The following HSPG2 variants were observed in gnomAD, a reference collection of about 807,000 sequenced individuals.
The protein encoded by HSPG2 is basement membrane-specific heparan sulfate proteoglycan core protein.
In HSPG2, 278 loss-of-function variants were observed where a neutral mutation model predicts 526.6. The ratio of observed to expected loss-of-function variants is 0.53; its 90% CI spans 0.48 to 0.58. The LOEUF (loss-of-function observed/expected upper bound fraction) is 0.58, where lower values mean the gene tolerates loss of function less well. HSPG2 is among the 20% of genes least tolerant of loss of function. HSPG2 has a pLI of 0.00. For synonymous variants in HSPG2, 2,465 were observed against 2,555.4 expected (o/e 0.96, Z 1.07); for missense variants, 5,354 against 6,099.5 (o/e 0.88, Z 4.07).
At chr1:21,861,947 C>T (rs1639823515) in intron 38 of HSPG2, 41 bp downstream of exon 38, 1 of 1,613,946 alleles carries the variant, frequency 6.2e-7, no homozygotes, top group Non-Finnish European at 8.5e-7. Context: ...ACTCATTCCC[C>T]AGTGGAAGTG....
intron 1 of HSPG2, among the ~76,000 whole-genome samples, chr1:21,916,474 C>T (rs368541494): frequency 2.2e-4 from 33 of 151,856 alleles, no homozygotes; most frequent in Non-Finnish European, 3.2e-4. Flanking sequence ...CACTGCACTC[C>T]GGCCTGGGCA....
In HSPG2 at chr1:21,895,894, G is replaced by A; in HGVS notation, c.244+28C>T. The A allele has an allele frequency of 6.2e-7, 1 of 1,609,730 alleles. No homozygotes were observed. Among genetic ancestry groups the A allele is most frequent in the Non-Finnish European group, 8.5e-7 (1 of 1,176,352 alleles). On this transcript the variant is annotated intron_variant, in intron 3 of 96. Transcript: ENST00000374695. This position sits in a 1 kb window ranked among gnomAD's most constrained non-coding sequence, Gnocchi z 4.1. Reference sequence around the variant, plus strand: ...GGGCTTCCCTGGGGGACAGGAGGGAGACCTGCAGGAGGCCTGCAGCAACTT... The same window carrying A: ...GGGCTTCCCTGGGGGACAGGAGGGAAACCTGCAGGAGGCCTGCAGCAACTT...
rs767471352 is a variant in HSPG2 at position 21,874,745 on chromosome 1, T to A, written c.3415-16A>T. 3 of 1,585,092 alleles carry A rather than the reference T, an allele frequency of 1.9e-6. No homozygotes were observed. The African/African-American group carries it at 4.0e-5, about 21-fold the overall frequency. ...TGTCACAGTCCTGGGGGCAGAAAGATGGCAGTGGGAGGGACTTCCGAACAC... is the reference window on the plus strand; with the variant it reads ...TGTCACAGTCCTGGGGGCAGAAAGAAGGCAGTGGGAGGGACTTCCGAACAC... On this transcript the variant is annotated splice_polypyrimidine_tract_variant and intron_variant, in intron 26 of 96. Coordinates refer to ENST00000374695, the MANE Select transcript of HSPG2 (RefSeq NM_005529.7).
At chr1:21,869,470 G>C in intron 33 of HSPG2, 1 of 986,732 alleles carries the variant, frequency 1.0e-6, no homozygotes, top group Non-Finnish European at 1.2e-6. Flanking sequence ...ACATACCTGA[G>C]AGCCTGGTGA....
chr1:21,874,981 G>A lies in HSPG2; in HGVS notation c.3324C>T (p.Asp1108=), dbSNP rs749208668. 9.3e-6 allele frequency: 15 copies of A among 1,605,618 alleles called. No individual in the cohort carries two copies. Among genetic ancestry groups the A allele is most frequent in the East Asian group, 2.2e-5 (1 of 44,626 alleles). The change falls in exon 26 of 97, where the codon GAC becomes GAT. Residue 1108 remains aspartate, a synonymous_variant. Coordinates refer to ENST00000374695, the MANE Select transcript of HSPG2 (RefSeq NM_005529.7). Reference sequence around the variant, plus strand: ...GGCCGGTTTCCTCGGGCACAGCCACGTCCATGCTGATGCCAGAGACCCTGG... The same window carrying A: ...GGCCGGTTTCCTCGGGCACAGCCACATCCATGCTGATGCCAGAGACCCTGG... ...AESRVSGISM[D]VAVPEETGQD...
At chr1:21,842,630 C>T (rs2098053582) in intron 67 of HSPG2, 140 bp downstream of exon 67, 1 of 1,134,262 alleles carries the variant, frequency 8.8e-7, no homozygotes, top group African/African-American at 1.5e-5. Flanking sequence ...GATTTGCAGG[C>T]TGGTGAACTC....
intron 39 of HSPG2, 70 bp downstream of exon 39, chr1:21,861,687 C>A: frequency 1.4e-6 from 2 of 1,396,972 alleles, no homozygotes; most frequent in South Asian, 1.2e-5. Flanking sequence ...GAGCAACACC[C>A]TTTAAGGCTC....
At chr1:21,840,148 T>C (rs940853295) in intron 71 of HSPG2, 131 bp from the exon 72 acceptor site, 2 of 740,286 alleles carry the variant, frequency 2.7e-6, no homozygotes, top group Non-Finnish European at 4.5e-6. Flanking sequence ...ATTTATATAT[T>C]TATTTTTTGA....
rs1640851462 is a variant in HSPG2 at position 21,873,920 on chromosome 1, C to T, written c.3743+5G>A. 6.3e-7 allele frequency: 1 copy of T among 1,578,356 alleles called. No homozygotes were observed. Among genetic ancestry groups the T allele is most frequent in the East Asian group, 2.3e-5 (1 of 43,446 alleles). On this transcript the variant is annotated splice_donor_5th_base_variant and intron_variant, in intron 29 of 96. Coordinates refer to ENST00000374695, the MANE Select transcript of HSPG2 (RefSeq NM_005529.7). ...TCCCCCCACCCTCTCCACCCCCTGCCTCACCTCTCACAGTGACGCCCACTG... is the reference window on the plus strand; with the variant it reads ...TCCCCCCACCCTCTCCACCCCCTGCTTCACCTCTCACAGTGACGCCCACTG...
At chr1:21,919,237 C>T (rs1261551824) in intron 1 of HSPG2, among the ~76,000 whole-genome samples, 1 of 152,060 alleles carries the variant, frequency 6.6e-6, no homozygotes, top group Non-Finnish European at 1.5e-5. Flanking sequence ...ACCAGCCTGG[C>T]CAACATGGTG....
At position 21,831,365 on chromosome 1, in the gene HSPG2, C is replaced by G. The variant is rs769259419; in HGVS notation, c.11453-41G>C. ...GCAGGATGAGCACAGGGCAGGGTGT[C>G]CCAGCCCATACCCTGAGGTGCCCTC... On this transcript the variant is annotated intron_variant, in intron 83 of 96. Transcript: ENST00000374695. 4.7e-5 allele frequency: 76 copies of G among 1,604,262 alleles called. No homozygotes were observed. In the African/African-American group the frequency reaches 9.8e-4, roughly 21 times the overall value.
chr1:21,828,575 C>T lies in HSPG2; in HGVS notation c.12238-149G>A, dbSNP rs141654540. Reference sequence around the variant, plus strand: ...TGGATTCTCGGTGTGGGGAGGGAGGCGCAGGAGTTGAGTGCCTACTGTGTG... The same window carrying T: ...TGGATTCTCGGTGTGGGGAGGGAGGTGCAGGAGTTGAGTGCCTACTGTGTG... On this transcript the variant is annotated intron_variant, in intron 88 of 96. Transcript: ENST00000374695. This position sits in a 1 kb window ranked among gnomAD's most constrained non-coding sequence, Gnocchi z 6.0. 1.6e-5 allele frequency: 15 copies of T among 911,890 alleles called. No individual in the cohort carries two copies. Among genetic ancestry groups the T allele is most frequent in the African/African-American group, 3.3e-5 (2 of 60,676 alleles). The allele number at this position is 911,890 out of a possible 1,614,324, so 56.5% of individuals were successfully genotyped here. A position where few individuals can be genotyped will look rare whatever the true frequency, so the allele number is the denominator to read the frequency against.
intron 80 of HSPG2, chr1:21,832,946 G>A: frequency 1.8e-6 from 1 of 556,272 alleles, no homozygotes; most frequent in Non-Finnish European, 3.2e-6. Flanking sequence ...GAGGAGGAAA[G>A]GGTGAGATGG....
chr1:21,868,163 T>A (rs1640383569), intron 33 of HSPG2, among the ~76,000 whole-genome samples: 1 of 151,376 alleles, frequency 6.6e-6, no homozygotes, highest in African/African-American at 2.4e-5. Context: ...CTCAGTCTCC[T>A]AAGTAGCTGA....
At chr1:21,888,196 C>T (rs113519618) in intron 6 of HSPG2, 130 bp from the exon 7 acceptor site, 44 of 1,205,936 alleles carry the variant, frequency 3.6e-5, no homozygotes, top group Non-Finnish European at 4.7e-5. Context: ...GCAGGCACAA[C>T]GAGGGCAAGC....
rs577292003 is a variant in HSPG2 at position 21,838,832 on chromosome 1, G to A, written c.10143C>T (p.Leu3381=). Residue 3381 remains leucine (L), a synonymous_variant, in exon 74 of 97, where the codon CTC becomes CTT. Coordinates refer to ENST00000374695, the MANE Select transcript of HSPG2 (RefSeq NM_005529.7). ...AGAGCCGGGGCTGCTTACCTTGGAC[G>A]AGCAGCTGGGCAAAGGCCTCGGCTG... ...VGSAEAFAQL[L]VQGPPGSLPA... 64 of 1,612,076 alleles carry A rather than the reference G, an allele frequency of 4.0e-5. No individual in the cohort carries two copies. Among genetic ancestry groups the A allele is most frequent in the Middle Eastern group, 1.7e-4 (1 of 5,924 alleles).
chr1:21,875,233 C>T (rs1572323270), intron 25 of HSPG2: 1 of 610,472 alleles, frequency 1.6e-6, no homozygotes, highest in East Asian at 2.8e-5. Context: ...ACCTCGTTCC[C>T]CTGGGGTCCC....
At position 21,878,473 on chromosome 1, in the gene HSPG2, C is replaced by T. The variant is rs755867193; in HGVS notation, c.2577G>A (p.Glu859=). 8.7e-6 allele frequency: 14 copies of T among 1,611,282 alleles called. No individual in the cohort carries two copies. In the African/African-American group the frequency reaches 1.2e-4, roughly 14 times the overall value. ...RRCESCAPGY[E]GNPIQPGGKC... The stretch of plus-strand genomic sequence containing the variant: ...TCCCGCCGGGCTGGATGGGGTTGCC[C>T]TCGTATCCGGGGGCACAGCTAGGGG... Residue 859 remains glutamate (E), a synonymous_variant, in exon 20 of 97, where the codon GAG becomes GAA. Coordinates refer to ENST00000374695, the MANE Select transcript of HSPG2 (RefSeq NM_005529.7).
At chr1:21,870,770 G>T (rs1640582119) in intron 33 of HSPG2, 3 of 930,780 alleles carry the variant, frequency 3.2e-6, no homozygotes, top group African/African-American at 3.6e-5. Context: ...GCAGGGCTGG[G>T]AGCACCCGAG....
Sources: gnomAD v4.1 joint callset for allele counts (sites outside exome capture counted in the v4.1 genomes callset) on GRCh38, gnomAD v4.1.1 for gene constraint, Gnocchi (gnomAD v3.1) non-coding constraint, MANE v1.5 for transcripts, NCBI Gene and HGNC (gene_info 2026-07-23, HGNC 2026-07-21) for gene names.